Variants in EHMT1 observed in about 807,000 individuals in gnomAD.
EHMT1 encodes euchromatic histone lysine methyltransferase 1, also known as histone-lysine N-methyltransferase EHMT1.
A neutral mutation model predicts 147.2 loss-of-function variants in EHMT1; 15 were observed. The observed-to-expected ratio is 0.10, with a 90% confidence interval of 0.07 to 0.16. The LOEUF (loss-of-function observed/expected upper bound fraction) is 0.16. Ranked by LOEUF, EHMT1 falls within the 10% of genes least tolerant of loss-of-function variation. EHMT1 has a pLI of 1.00. For missense variants in EHMT1, 1,587 were observed against 1,772.4 expected (o/e 0.90, Z 1.88); for synonymous variants, 795 against 709.6 (o/e 1.12, Z -1.91).
chr9:137,687,445 T>C (rs1282334599), intron 1 of EHMT1, among the ~76,000 whole-genome samples: 1 of 151,836 alleles, frequency 6.6e-6, no homozygotes, highest in African/African-American at 2.4e-5. Context: ...AGAGTTGAGG[T>C]AGAGAGTTGA....
At chr9:137,763,154 C>T in intron 10 of EHMT1, 1 of 510,202 alleles carries the variant, frequency 2.0e-6, no homozygotes. Context: ...AGGATAGTCA[C>T]ACCAAGGTGA....
At position 137,667,869 on chromosome 9, in the gene EHMT1, A is replaced by G. The variant is rs373984799; in HGVS notation, c.22-43098A>G. ...TAGGAATTTGTCTTTTTGAGAGTGT[A>G]TGCTGCTTATTTGGTTTCGTGGAAT... On this transcript the variant is annotated intron_variant, in intron 1 of 26. Transcript: ENST00000460843. Among the ~76,000 whole-genome samples, 8 of 152,252 alleles carry G rather than the reference A, an allele frequency of 5.3e-5. 1 individual carries two copies. The South Asian group carries it at 8.3e-4, about 16-fold the overall frequency.
intron 3 of EHMT1, among the ~76,000 whole-genome samples, chr9:137,719,356 C>G (rs902054390): frequency 6.6e-6 from 1 of 152,094 alleles, no homozygotes; most frequent in Non-Finnish European, 1.5e-5. Flanking sequence ...TGGGGCTGGA[C>G]TGCTGGCTCC....
chr9:137,803,700 C>T (rs1468287441), intron 18 of EHMT1, among the ~76,000 whole-genome samples: 1 of 152,050 alleles, frequency 6.6e-6, no homozygotes, highest in African/African-American at 2.4e-5. Context: ...CAGAGACTGC[C>T]AGTAGCCAGG....
chr9:137,693,354 C>T (rs1163781097), intron 1 of EHMT1, among the ~76,000 whole-genome samples: 1 of 152,134 alleles, frequency 6.6e-6, no homozygotes, highest in Non-Finnish European at 1.5e-5. Flanking sequence ...ACTTAGGCAT[C>T]ACCCACAGTC....
chr9:137,625,551 T>C (rs1843202785), intron 1 of EHMT1, among the ~76,000 whole-genome samples: 1 of 152,012 alleles, frequency 6.6e-6, no homozygotes, highest in South Asian at 2.1e-4. Context: ...TTGACCAGTT[T>C]GGTCTCACAT....
intron 4 of EHMT1, among the ~76,000 whole-genome samples, chr9:137,729,586 C>CA (rs71944923): frequency 0.01 from 1,467 of 143,644 alleles, 16 homozygotes; most frequent in African/African-American, 0.033. Flanking sequence ...GACTCCATCT[C>CA]AAAAAAAAAA....
At chr9:137,707,110 C>T (rs368583935) in intron 1 of EHMT1, among the ~76,000 whole-genome samples, 1 of 152,242 alleles carries the variant, frequency 6.6e-6, no homozygotes, top group Non-Finnish European at 1.5e-5. Context: ...CAGGCGTGAG[C>T]CAGCGCGCCT....
At chr9:137,646,518 C>CT in intron 1 of EHMT1, 3 of 907,074 alleles carry the variant, frequency 3.3e-6, no homozygotes, top group Non-Finnish European at 3.9e-6. Flanking sequence ...GGAAAGCAGC[C>CT]TTGGCTGCCC....
At chr9:137,669,846 C>G (rs1470932366) in intron 1 of EHMT1, among the ~76,000 whole-genome samples, 1 of 152,066 alleles carries the variant, frequency 6.6e-6, no homozygotes, top group African/African-American at 2.4e-5. Flanking sequence ...AGCCATGATG[C>G]CTGGGCCAAA....
chr9:137,779,750 G>A (rs1190733432), intron 14 of EHMT1, 33 bp downstream of exon 14: 9 of 1,609,950 alleles, frequency 5.6e-6, no homozygotes, highest in Non-Finnish European at 7.6e-6. Context: ...GGCACATGCA[G>A]CCGGCCCTGT....
At chr9:137,622,627 T>C (rs1843002810) in intron 1 of EHMT1, among the ~76,000 whole-genome samples, 4 of 152,248 alleles carry the variant, frequency 2.6e-5, no homozygotes, top group African/African-American at 9.6e-5. Flanking sequence ...CCAATCAGAA[T>C]GTATGTTCTT....
chr9:137,709,761 A>G (rs1944539583), intron 1 of EHMT1, among the ~76,000 whole-genome samples: 2 of 152,132 alleles, frequency 1.3e-5, no homozygotes, highest in Non-Finnish European at 2.9e-5. Context: ...ACCTCGGGCA[A>G]GTCTGTGCCT....
intron 22 of EHMT1, chr9:137,814,885 C>T: frequency 2.5e-6 from 1 of 402,462 alleles, no homozygotes. Flanking sequence ...TGCTGCCGGG[C>T]TGGGTACAGG....
Position 137,716,662 on chromosome 9 carries a change from A to T in EHMT1, c.122A>T (p.Lys41Ile). 6.3e-7 allele frequency: 1 copy of T among 1,593,940 alleles called. No individual in the cohort carries two copies. Among genetic ancestry groups the T allele is most frequent in the Non-Finnish European group, 8.6e-7 (1 of 1,167,418 alleles). Residue 41 changes from lysine (K) to isoleucine (I), a missense_variant, in exon 3 of 27, where the codon AAA becomes ATA. Physicochemically the swap from Lys to Ile is moderately radical, Grantham distance 102 (BLOSUM62 -3). Around this residue, in one of 7 missense-constraint regions of EHMT1, gnomAD observed 810 missense variants for 673.0 expected, o/e 1.20. Coordinates refer to ENST00000460843, the MANE Select transcript of EHMT1 (RefSeq NM_024757.5). ...PMAADEGSAE[K>I]QAGEAHMAAD... ...GCTGCCGATGAAGGCTCAGCAGAGAAACAGGCAGGAGAGGCCCACATGGCT... is the reference window on the plus strand; with the variant it reads ...GCTGCCGATGAAGGCTCAGCAGAGATACAGGCAGGAGAGGCCCACATGGCT...
chr9:137,771,197 C>CTTTT (rs1189483493), intron 10 of EHMT1, among the ~76,000 whole-genome samples: 7 of 105,916 alleles, frequency 6.6e-5, no homozygotes, highest in Admixed American at 1.1e-4. Context: ...TCTTCCATGT[C>CTTTT]TTTTTTTTTT....
chr9:137,766,789 C>G (rs191983496), intron 10 of EHMT1, among the ~76,000 whole-genome samples: 37 of 152,232 alleles, frequency 2.4e-4, no homozygotes, highest in Admixed American at 1.2e-3. Context: ...TTGTAGACAG[C>G]ATGTAGTTGG....
At chr9:137,761,646 A>G (rs902629339) in intron 9 of EHMT1, among the ~76,000 whole-genome samples, 6 of 151,336 alleles carry the variant, frequency 4.0e-5, no homozygotes, top group Non-Finnish European at 8.8e-5. Flanking sequence ...TTTAGTAGAG[A>G]CGGGGTTTCA....
At chr9:137,790,765 G>T in intron 15 of EHMT1, 83 bp from the exon 16 acceptor site, 1 of 1,599,738 alleles carries the variant, frequency 6.3e-7, no homozygotes, top group Non-Finnish European at 8.6e-7. Context: ...CTTTTTTTGA[G>T]TGTGGAAGCT....
Sources: allele counts gnomAD v4.1 joint callset (sites outside exome capture counted in the v4.1 genomes callset), GRCh38; gene constraint gnomAD v4.1.1; regional missense constraint gnomAD v4.1.1; transcripts MANE v1.5; gene names NCBI Gene and HGNC (gene_info 2026-07-23, HGNC 2026-07-21).